COL4A6: variants seen among roughly 807,000 people sequenced by gnomAD.
COL4A6 encodes collagen type IV alpha 6 chain, also known as collagen alpha-6(IV) chain.
A neutral mutation model predicts 126.7 loss-of-function variants in COL4A6; 59 were observed. That is an observed-to-expected ratio of 0.47 (90% confidence interval 0.38 to 0.58). COL4A6 has a LOEUF of 0.58. COL4A6 is among the 20% of genes least tolerant of loss of function. The probability of loss-of-function intolerance (pLI) is 0.00; values close to 1 mark genes in which losing one functional copy is unlikely to be tolerated. For missense variants in COL4A6, 1,285 were observed against 1,337.3 expected (o/e 0.96, Z 0.61); for synonymous variants, 547 against 496.6 (o/e 1.10, Z -1.35).
At chrX:108,205,811 G>A (rs757012017) in intron 9 of COL4A6, 116 bp from the exon 10 acceptor site, 2 of 590,385 alleles carry the variant, frequency 3.4e-6, no homozygotes, top group Non-Finnish European at 5.5e-6. Context: ...CTTTGGCATA[G>A]TAGATTCTAG....
At chrX:108,161,130 C>A (rs2033918295) in intron 42 of COL4A6, among the ~76,000 whole-genome samples, 1 of 112,112 alleles carries the variant, frequency 8.9e-6, no homozygotes, top group Non-Finnish European at 1.9e-5. Context: ...GACAAATCAA[C>A]TGCCACAGTT....
In COL4A6 at chrX:108,174,526, G is replaced by T. The variant is rs1252806483; in HGVS notation, c.3052C>A (p.Pro1018Thr). 3 of 1,206,181 alleles carry T rather than the reference G, an allele frequency of 2.5e-6. No individual in the cohort carries two copies. The African/African-American group carries it at 5.3e-5, about 21-fold the overall frequency. The change falls in exon 31 of 45, where the codon CCC (proline) becomes ACC (threonine). Residue 1018 changes from proline (P) to threonine (T), a missense_variant. Transcript: ENST00000334504. ...CCCCGGATTCCCATGAAGCCAGGGGGCCCTGGCTTTCCACTAACTCCTTTG... is the reference window on the plus strand; with the variant it reads ...CCCCGGATTCCCATGAAGCCAGGGGTCCCTGGCTTTCCACTAACTCCTTTG... ...IIKGVSGKPG[P>T]PGFMGIRGLP... is the part of the protein sequence containing the mutation.
chrX:108,190,272 C>T (rs1048105971), intron 20 of COL4A6, 120 bp downstream of exon 20: 37 of 489,791 alleles, frequency 7.6e-5, no homozygotes, highest in Non-Finnish European at 1.3e-4. Flanking sequence ...ATAATCAAAG[C>T]CCCAAACAAG....
intron 2 of COL4A6, among the ~76,000 whole-genome samples, chrX:108,369,021 G>A (rs1373268025): frequency 1.8e-5 from 2 of 111,957 alleles, no homozygotes; most frequent in Non-Finnish European, 3.8e-5. Context: ...AATGATAATA[G>A]TATAGTAAAT....
chrX:108,413,311 G>C (rs991892916), intron 2 of COL4A6, among the ~76,000 whole-genome samples: 18 of 111,763 alleles, frequency 1.6e-4, no homozygotes, highest in African/African-American at 5.8e-4. Context: ...TTTAGCCAAT[G>C]GATTGTCTGG....
chrX:108,358,097 C>T (rs1389893688), intron 2 of COL4A6, among the ~76,000 whole-genome samples: 2 of 111,473 alleles, frequency 1.8e-5, no homozygotes, highest in African/African-American at 6.5e-5. Flanking sequence ...GTAGGGTGCC[C>T]CAGATGCACA....
intron 3 of COL4A6, among the ~76,000 whole-genome samples, chrX:108,274,401 G>T (rs2037540614): frequency 9.0e-6 from 1 of 111,621 alleles, no homozygotes; most frequent in East Asian, 2.8e-4. Context: ...TACTGGCTCT[G>T]CGATGATCAG....
At chrX:108,204,275 A>G in intron 12 of COL4A6, 45 bp downstream of exon 12, 1 of 966,600 alleles carries the variant, frequency 1.0e-6, no homozygotes, top group Non-Finnish European at 1.4e-6. Context: ...TTATAATTAT[A>G]GGAAAAGTTT....
At chrX:108,409,465 A>G (rs2041282821) in intron 2 of COL4A6, among the ~76,000 whole-genome samples, 1 of 112,206 alleles carries the variant, frequency 8.9e-6, no homozygotes, top group Admixed American at 9.4e-5. Context: ...TTTTTCCTCT[A>G]AACAATCCTG....
chrX:108,326,992 G>T (rs2039171173), intron 2 of COL4A6, among the ~76,000 whole-genome samples: 2 of 111,272 alleles, frequency 1.8e-5, no homozygotes, highest in African/African-American at 6.5e-5. Flanking sequence ...ATTCTTATGA[G>T]AATGGAAAGA....
chrX:108,299,386 T>C (rs2038423285), intron 3 of COL4A6, among the ~76,000 whole-genome samples: 1 of 111,409 alleles, frequency 9.0e-6, no homozygotes, highest in African/African-American at 3.3e-5. Context: ...GACCTGTCTC[T>C]TCCTTTTGTT....
chrX:108,172,166 C>G, intron 32 of COL4A6, among the ~76,000 whole-genome samples: 1 of 109,936 alleles, frequency 9.1e-6, no homozygotes, highest in Non-Finnish European at 1.9e-5. Flanking sequence ...GCCAGACCAA[C>G]ATGGTGAAAT....
intron 8 of COL4A6, among the ~76,000 whole-genome samples, chrX:108,208,739 G>A (rs2035617852): frequency 9.0e-6 from 1 of 111,433 alleles, no homozygotes; most frequent in South Asian, 3.8e-4. Context: ...ACTTGACATG[G>A]GCCTGGATAA....
intron 2 of COL4A6, among the ~76,000 whole-genome samples, chrX:108,428,536 C>A: frequency 9.0e-6 from 1 of 111,033 alleles, no homozygotes; most frequent in East Asian, 2.8e-4. Flanking sequence ...GAAAATTAAA[C>A]CCTGGAGGAA....
intron 2 of COL4A6, among the ~76,000 whole-genome samples, chrX:108,371,573 A>T (rs1296315521): frequency 1.0e-5 from 1 of 95,367 alleles, no homozygotes. Context: ...CTCTGTCTCT[A>T]TAAAAAAAAA....
At chrX:108,161,590 G>GCCC in intron 42 of COL4A6, 29 bp downstream of exon 42, 1 of 247,025 alleles carries the variant, frequency 4.0e-6, no homozygotes, top group Non-Finnish European at 7.2e-6. Flanking sequence ...TCCCCGCCCC[G>GCCC]CCCGCCTCCT....
At chrX:108,355,859 C>T (rs867394696) in intron 2 of COL4A6, among the ~76,000 whole-genome samples, 13 of 111,816 alleles carry the variant, frequency 1.2e-4, no homozygotes, top group African/African-American at 3.9e-4. Context: ...TTTTCAGATG[C>T]TTTACGTAGT....
At chrX:108,413,415 A>G (rs1013099345) in intron 2 of COL4A6, among the ~76,000 whole-genome samples, 63 of 111,492 alleles carry the variant, frequency 5.7e-4, no homozygotes, top group African/African-American at 2.0e-3. Flanking sequence ...GGAAAAGATA[A>G]CCTGACAGGT....
chrX:108,222,171 TA>T (rs1216378013), intron 3 of COL4A6, among the ~76,000 whole-genome samples: 2 of 112,601 alleles, frequency 1.8e-5, no homozygotes, highest in African/African-American at 6.5e-5. Context: ...GCTGACATTT[TA>T]AAGTGGACTC....
Sources: allele counts gnomAD v4.1 joint callset (sites outside exome capture counted in the v4.1 genomes callset), GRCh38; gene constraint gnomAD v4.1.1; transcripts MANE v1.5; gene names NCBI Gene and HGNC (gene_info 2026-07-23, HGNC 2026-07-21).